Variants in WDR20 observed in about 807,000 individuals in gnomAD.
WDR20 encodes WD repeat domain 20, also known as WD repeat-containing protein 20.
WDR20 carries 3 observed loss-of-function variants against 38.7 expected under a neutral mutation model. The ratio of observed to expected loss-of-function variants is 0.08; its 90% CI spans 0.04 to 0.20. WDR20 has a LOEUF of 0.20. Ranked by LOEUF, WDR20 falls within the 10% of genes least tolerant of loss-of-function variation. The pLI, the probability that WDR20 is intolerant of heterozygous loss-of-function variation, is 1.00. For missense variants in WDR20, 559 were observed against 727.7 expected, an observed-to-expected ratio of 0.77 and a Z score of 2.67; for synonymous variants, 298 against 285.6, an observed-to-expected ratio of 1.04 and a Z score of -0.44.
rs576115199 is a variant in WDR20 at position 102,188,698 on chromosome 14, T to G, written c.250-6240T>G. On this transcript the variant is annotated intron_variant, in intron 1 of 2. Coordinates refer to ENST00000342702, the MANE Select transcript of WDR20 (RefSeq NM_144574.4). ...GCCTGGGCAACATGGCAAGACACTGTCTCTACAGAAAATTAAAAAAAAAAA... is the reference window on the plus strand; with the variant it reads ...GCCTGGGCAACATGGCAAGACACTGGCTCTACAGAAAATTAAAAAAAAAAA... Among the ~76,000 whole-genome samples, 574 of 150,198 alleles carry G rather than the reference T, an allele frequency of 3.8e-3. 8 individuals are homozygous for G. The East Asian group carries it at 0.048, about 13-fold the overall frequency.
chr14:102,175,810 G>C (rs895393524), intron 1 of WDR20, among the ~76,000 whole-genome samples: 1 of 152,050 alleles, frequency 6.6e-6, no homozygotes, highest in African/African-American at 2.4e-5. Context: ...TTTTTTTGCA[G>C]TTATTGTAAA....
At chr14:102,216,466 G>C (rs1003864294), downstream of WDR20, among the ~76,000 whole-genome samples, 1 of 152,088 alleles carries the variant, frequency 6.6e-6, no homozygotes, top group African/African-American at 2.4e-5. Flanking sequence ...TAATTTTTGT[G>C]TATTTTTATT....
intron 2 of WDR20, among the ~76,000 whole-genome samples, chr14:102,200,457 ATTT>A (rs746438768): frequency 0.014 from 1,599 of 110,980 alleles, 15 homozygotes; most frequent in Non-Finnish European, 0.019. Context: ...TACTTTTTAA[ATTT>A]TTTTTTTTGT....
chr14:102,145,511 CT>C (rs2053271679), intron 1 of WDR20, among the ~76,000 whole-genome samples: 1 of 152,168 alleles, frequency 6.6e-6, no homozygotes, highest in Non-Finnish European at 1.5e-5. Context: ...AATCCTAACA[CT>C]TTTGGGAGGC....
At chr14:102,148,010 C>T (rs1292310921) in intron 1 of WDR20, among the ~76,000 whole-genome samples, 4 of 152,250 alleles carry the variant, frequency 2.6e-5, no homozygotes, top group South Asian at 2.1e-4. Context: ...GGATTACAGG[C>T]GTGGGCTACT....
chr14:102,156,081 G>GC (rs1480520298), intron 1 of WDR20, among the ~76,000 whole-genome samples: 1 of 149,926 alleles, frequency 6.7e-6, no homozygotes, highest in Admixed American at 6.6e-5. Context: ...AGCACTCCCT[G>GC]CCCACAGATG....
rs2061716667 is a variant in WDR20, at chr14:102,207,261, A to G, written c.433-1342A>G. On this transcript the variant is annotated intron_variant, in intron 2 of 2. Transcript: ENST00000342702. The surrounding 1 kb of genome is among the most constrained non-coding windows in gnomAD (Gnocchi z 5.0). ...TTCTTCCTGCCTGGGGTCCTTTGTTAGCAGCCTACTTTCTAGGGTCTAATG... is the reference window on the plus strand; with the variant it reads ...TTCTTCCTGCCTGGGGTCCTTTGTTGGCAGCCTACTTTCTAGGGTCTAATG... Among the ~76,000 whole-genome samples the G allele has an allele frequency of 6.6e-6, 1 of 152,216 alleles. No homozygotes were observed. Among genetic ancestry groups the G allele is most frequent in the Non-Finnish European group, 1.5e-5 (1 of 68,040 alleles).
At chr14:102,203,493 A>G (rs894011861) in intron 2 of WDR20, among the ~76,000 whole-genome samples, 3 of 152,250 alleles carry the variant, frequency 2.0e-5, no homozygotes, top group East Asian at 1.9e-4. Context: ...GAAGCCCTTT[A>G]GCTTGGGACT....
rs2061767691 is a variant in WDR20 at position 102,207,519 on chromosome 14, G to T, written c.433-1084G>T. On this transcript the variant is annotated intron_variant, in intron 2 of 2. Transcript: ENST00000342702. The surrounding 1 kb of genome is among the most constrained non-coding windows in gnomAD (Gnocchi z 5.0). ...TCCCCACCTGTTAGGTGAAGCGGTG[G>T]TGTTCAACTTACCTGGGGCTGCTGG... is the stretch of plus-strand genomic sequence containing the variant. Among the ~76,000 whole-genome samples the T allele has an allele frequency of 6.6e-6, 1 of 152,198 alleles. No individual in the cohort carries two copies. The highest frequency in any genetic ancestry group is 1.5e-5 in the Non-Finnish European group (1 of 68,040).
At position 102,146,152 on chromosome 14, in the gene WDR20, T is replaced by G. The variant is rs148833727; in HGVS notation, c.249+5980T>G. Among the ~76,000 whole-genome samples the G allele has an allele frequency of 1.8e-3, 268 of 151,940 alleles. 2 individuals carry two copies. The highest frequency in any genetic ancestry group is 5.7e-3 in the African/African-American group (236 of 41,352). On this transcript the variant is annotated intron_variant, in intron 1 of 2. Coordinates refer to ENST00000342702, the MANE Select transcript of WDR20 (RefSeq NM_144574.4). ...CTAGGTATTTATGCTGGAAGAGTTT[T>G]TTTGTTTGTTTGTTTGTTTGTTTGT...
At chr14:102,169,329 C>T (rs762601026) in intron 1 of WDR20, among the ~76,000 whole-genome samples, 2 of 152,182 alleles carry the variant, frequency 1.3e-5, no homozygotes, top group Non-Finnish European at 2.9e-5. Context: ...CCACCTCAGT[C>T]GTTCCACTCC....
At chr14:102,140,417 A>T (rs2050481451) in intron 1 of WDR20, among the ~76,000 whole-genome samples, 1 of 151,630 alleles carries the variant, frequency 6.6e-6, no homozygotes, top group African/African-American at 2.4e-5. Flanking sequence ...TCTGGCTGGG[A>T]GGCTCCCGGG....
downstream of WDR20, among the ~76,000 whole-genome samples, chr14:102,215,725 C>T (rs1186997497): frequency 6.6e-6 from 1 of 152,156 alleles, no homozygotes; most frequent in Non-Finnish European, 1.5e-5. Context: ...TTTGTGCTGG[C>T]GTGAGGTTGT....
At chr14:102,145,390 C>G (rs985815230) in intron 1 of WDR20, among the ~76,000 whole-genome samples, 2 of 152,080 alleles carry the variant, frequency 1.3e-5, no homozygotes, top group South Asian at 2.1e-4. Flanking sequence ...TAATAGTAAA[C>G]AAATGACACA....
chr14:102,179,873 G>A (rs371187199), intron 1 of WDR20, among the ~76,000 whole-genome samples: 1 of 151,158 alleles, frequency 6.6e-6, no homozygotes, highest in African/African-American at 2.4e-5. Flanking sequence ...TAACAGTTAC[G>A]TCGGGACGGT....
intron 2 of WDR20, among the ~76,000 whole-genome samples, chr14:102,200,593 A>G (rs973289431): frequency 6.6e-6 from 1 of 151,974 alleles, no homozygotes; most frequent in African/African-American, 2.4e-5. Flanking sequence ...GACAGTTCCT[A>G]TATGGTAATG....
At chr14:102,216,704 T>G (rs1045929334), downstream of WDR20, among the ~76,000 whole-genome samples, 1 of 151,846 alleles carries the variant, frequency 6.6e-6, no homozygotes, top group Admixed American at 6.6e-5. Flanking sequence ...CCGAGGCGGG[T>G]GGATCACCTG....
intron 1 of WDR20, among the ~76,000 whole-genome samples, chr14:102,173,471 TTATTA>T (rs1566913530): frequency 0.018 from 2,512 of 136,452 alleles, 74 homozygotes; most frequent in African/African-American, 0.069. Context: ...ATTATTATTA[TTATTA>T]TTATTTTTAT....
At chr14:102,141,842 T>G (rs1875020536) in intron 1 of WDR20, among the ~76,000 whole-genome samples, 1 of 152,172 alleles carries the variant, frequency 6.6e-6, no homozygotes, top group Admixed American at 6.5e-5. Context: ...AATTTATATT[T>G]ATATAAAAAT....
Sources: allele counts gnomAD v4.1 joint callset (sites outside exome capture counted in the v4.1 genomes callset), GRCh38; gene constraint gnomAD v4.1.1; non-coding constraint Gnocchi (gnomAD v3.1); transcripts MANE v1.5; gene names NCBI Gene and HGNC (gene_info 2026-07-23, HGNC 2026-07-21).